Variants in ZNF512 observed in about 807,000 individuals in gnomAD.
The protein encoded by ZNF512 is zinc finger protein 512.
ZNF512 carries 25 observed loss-of-function variants against 77.5 expected under a neutral mutation model. That is an observed-to-expected ratio of 0.32 (90% CI 0.23 to 0.45). The LOEUF (loss-of-function observed/expected upper bound fraction) is 0.45, where lower values mean the gene tolerates loss of function less well. ZNF512 is among the 20% of genes least tolerant of loss of function. The pLI is 1.00. For synonymous variants in ZNF512, 246 were observed against 239.9 expected (o/e 1.03, Z -0.24); for missense variants, 483 against 692.6 (o/e 0.70, Z 3.40).
chr2:27,599,464 C>T, intron 3 of ZNF512, 119 bp from the exon 4 acceptor site: 1 of 708,394 alleles, frequency 1.4e-6, no homozygotes, highest in Non-Finnish European at 2.4e-6. Flanking sequence ...TCTCTGAGGC[C>T]TGTGTTCACT....
At position 27,598,142 on chromosome 2, in the gene ZNF512, ATCG is replaced by A; in HGVS notation, c.168_170del (p.Ser57del). On this transcript the variant is annotated inframe_deletion, in exon 3 of 14. Transcript: ENST00000355467. ...CTCATGATGACTCCTTAAGTGGTTCATCGTCTGCATCTTCGTGTGAACCAGTGA... is the reference window on the plus strand; with the variant it reads ...CTCATGATGACTCCTTAAGTGGTTCATCTGCATCTTCGTGTGAACCAGTGA... 1 of 1,614,146 alleles carries A rather than the reference ATCG, an allele frequency of 6.2e-7. No homozygotes were observed. Among genetic ancestry groups the A allele is most frequent in the East Asian group, 2.2e-5 (1 of 44,876 alleles).
At chr2:27,610,246 C>CT (rs1490360067) in intron 10 of ZNF512, among the ~76,000 whole-genome samples, 5 of 149,270 alleles carry the variant, frequency 3.3e-5, no homozygotes, top group Non-Finnish European at 5.9e-5. Context: ...TGCCTGTACT[C>CT]TAAGCTACTT....
In ZNF512 at chr2:27,592,465, G is replaced by A. The variant is rs1572907153; in HGVS notation, c.90-5602G>A. Among the ~76,000 whole-genome samples, 3 of 151,374 alleles carry A rather than the reference G, an allele frequency of 2.0e-5. No homozygotes were observed. In the East Asian group the frequency reaches 5.8e-4, roughly 29 times the overall value. On this transcript the variant is annotated intron_variant, in intron 2 of 13. Coordinates refer to ENST00000355467, the MANE Select transcript of ZNF512 (RefSeq NM_032434.4). ...CAAGTAGCTGGGACTACAGGCACCC[G>A]CTACCACACCCAGCTAATTTTTGTA...
chr2:27,604,183 T>C (rs1239443880), intron 9 of ZNF512, among the ~76,000 whole-genome samples: 1 of 152,176 alleles, frequency 6.6e-6, no homozygotes, highest in Non-Finnish European at 1.5e-5. Flanking sequence ...CACCTCGGCC[T>C]CCCAAAGTGC....
intron 2 of ZNF512, among the ~76,000 whole-genome samples, chr2:27,596,376 T>C (rs903567655): frequency 6.6e-6 from 1 of 152,240 alleles, no homozygotes; most frequent in East Asian, 1.9e-4. Flanking sequence ...GATTCATACA[T>C]TGAATTAAGA....
In ZNF512 at chr2:27,621,222, CAAG is replaced by C; in HGVS notation, c.1474_1476del (p.Glu492del). ...GCTGATGAAGATAAAGCAGCGGCAG[CAAG>C]AAGAAGAAAAGCGGAGGCAGCAGCA... On this transcript the variant is annotated inframe_deletion, in exon 14 of 14. Transcript: ENST00000355467. The C allele has an allele frequency of 1.9e-6, 3 of 1,614,146 alleles. No individual in the cohort carries two copies. The highest frequency in any genetic ancestry group is 1.7e-6 in the Non-Finnish European group (2 of 1,180,034).
At chr2:27,615,295 A>G (rs780767646) in intron 11 of ZNF512, 26 bp downstream of exon 11, 1 of 1,457,374 alleles carries the variant, frequency 6.9e-7, no homozygotes, top group South Asian at 1.3e-5. Context: ...TCATTTATTC[A>G]GTAAATGTTT....
At chr2:27,609,031 C>G (rs1325152633) in intron 10 of ZNF512, among the ~76,000 whole-genome samples, 2 of 151,622 alleles carry the variant, frequency 1.3e-5, no homozygotes, top group Admixed American at 6.6e-5. Flanking sequence ...ATCGCTTGAA[C>G]CCGGGAGGTG....
chr2:27,602,405 T>C (rs1672155380), intron 7 of ZNF512, 58 bp from the exon 8 acceptor site: 5 of 1,527,762 alleles, frequency 3.3e-6, no homozygotes, highest in Admixed American at 3.9e-5. Flanking sequence ...ATATTTTTTT[T>C]CCCTGTGTCT....
rs201943129 is a variant in ZNF512, at chr2:27,607,928, A to G, written c.1020A>G (p.Arg340=). The part of the protein sequence containing the change: ...LESKSGGRVQ[R]RSAKIAVYHL... ...CAAAGAGTGGGGGCCGAGTTCAGAG[A>G]CGTTCTGCCAAGATAGCTGTATACC... The change falls in exon 10 of 14, where the codon AGA becomes AGG. Residue 340 remains arginine, a synonymous_variant. Transcript: ENST00000355467. 4 of 1,614,134 alleles carry G rather than the reference A, an allele frequency of 2.5e-6. No individual in the cohort carries two copies. The highest frequency in any genetic ancestry group is 3.4e-6 in the Non-Finnish European group (4 of 1,180,006).
At chr2:27,613,070 C>T (rs1230588215) in intron 10 of ZNF512, among the ~76,000 whole-genome samples, 1 of 152,196 alleles carries the variant, frequency 6.6e-6, no homozygotes, top group African/African-American at 2.4e-5. Context: ...CCAAAGATAA[C>T]CAAACTCATT....
rs1001535137 is a variant in ZNF512 at position 27,583,668 on chromosome 2, C to T, written c.41C>T (p.Pro14Leu). 1 of 1,614,100 alleles carries T rather than the reference C, an allele frequency of 6.2e-7. No homozygotes were observed. Among genetic ancestry groups the T allele is most frequent in the Admixed American group, 1.7e-5 (1 of 59,990 alleles). The change falls in exon 2 of 14, where the codon CCC (proline) becomes CTC (leucine). Residue 14 changes from proline to leucine, a missense_variant. Around this residue, in one of 2 missense-constraint regions of ZNF512, gnomAD observed 159 missense variants for 167.5 expected, o/e 0.95. Coordinates refer to ENST00000355467, the MANE Select transcript of ZNF512 (RefSeq NM_032434.4). Reference sequence around the variant, plus strand: ...CTTGTGATTTGCTAGACTTCGGGACCCACAACCTTTAAGCAGCAGAGGAGC... The same window carrying T: ...CTTGTGATTTGCTAGACTTCGGGACTCACAACCTTTAAGCAGCAGAGGAGC... ...RLGAVPATSGPTTFKQQRSTR... is the reference protein window; with the variant it reads ...RLGAVPATSGLTTFKQQRSTR...
At chr2:27,620,408 C>T (rs1302850595) in intron 13 of ZNF512, among the ~76,000 whole-genome samples, 1 of 152,200 alleles carries the variant, frequency 6.6e-6, no homozygotes, top group Non-Finnish European at 1.5e-5. Context: ...TTGTCACATA[C>T]ATGTACCCAC....
chr2:27,587,268 G>GTTTTTTTTTTTTTTTTT (rs57745266), intron 2 of ZNF512, among the ~76,000 whole-genome samples: 1 of 132,946 alleles, frequency 7.5e-6, no homozygotes. Flanking sequence ...TAATTCATGG[G>GTTTTTTTTTTTTTTTTT]TTTTTTTTTT....
In ZNF512 at chr2:27,618,981, C is replaced by T. The variant is rs114533273; in HGVS notation, c.1395+1410C>T. Among the ~76,000 whole-genome samples, 1,089 of 152,278 alleles carry T rather than the reference C, an allele frequency of 7.2e-3. 10 individuals carry two copies. The highest frequency in any genetic ancestry group is 0.025 in the African/African-American group (1,024 of 41,552). ...TAACAATGTGAGCTTTAATTACTTC[C>T]ATAAAATTTGGTTTCTGTTGCTTTA... On this transcript the variant is annotated intron_variant, in intron 13 of 13. Coordinates refer to ENST00000355467, the MANE Select transcript of ZNF512 (RefSeq NM_032434.4).
intron 2 of ZNF512, among the ~76,000 whole-genome samples, chr2:27,586,121 C>T (rs1388095718): frequency 6.6e-6 from 1 of 152,134 alleles, no homozygotes; most frequent in African/African-American, 2.4e-5. Flanking sequence ...TTTCTGAGTC[C>T]TACACTGATA....
At chr2:27,584,184 CAAA>C (rs934310285) in intron 2 of ZNF512, among the ~76,000 whole-genome samples, 2 of 150,112 alleles carry the variant, frequency 1.3e-5, no homozygotes, top group Non-Finnish European at 3.0e-5. Context: ...ACCTAGCTTG[CAAA>C]AAAAAAGTAC....
At chr2:27,616,053 A>G (rs1558477325) in intron 11 of ZNF512, among the ~76,000 whole-genome samples, 1 of 152,248 alleles carries the variant, frequency 6.6e-6, no homozygotes, top group Non-Finnish European at 1.5e-5. Flanking sequence ...TTCCTAAACA[A>G]CTTGTTCACC....
chr2:27,606,711 C>T (rs1572924914), intron 9 of ZNF512, among the ~76,000 whole-genome samples: 1 of 152,154 alleles, frequency 6.6e-6, no homozygotes, highest in East Asian at 1.9e-4. Flanking sequence ...AACTGAATGG[C>T]TTAAAACAAC....
Sources: allele counts gnomAD v4.1 joint callset (sites outside exome capture counted in the v4.1 genomes callset), GRCh38; gene constraint gnomAD v4.1.1; regional missense constraint gnomAD v4.1.1; transcripts MANE v1.5; gene names NCBI Gene and HGNC (gene_info 2026-07-23, HGNC 2026-07-21).